Variants in STX8 observed in about 807,000 individuals in gnomAD.
The protein encoded by STX8 is syntaxin 8, also known as syntaxin-8.
Under a neutral mutation model 37.5 loss-of-function variants are expected in STX8, and 23 were observed. That is an observed-to-expected ratio of 0.61 (90% CI 0.44 to 0.87). The LOEUF (loss-of-function observed/expected upper bound fraction) is 0.87, where lower values mean the gene tolerates loss of function less well. Among genes scored for constraint, STX8 ranks in the 40% least tolerant of loss-of-function variants. STX8 has a pLI of 0.00. For synonymous variants in STX8, 115 were observed against 99.1 expected, an observed-to-expected ratio of 1.16 and a Z score of -0.95; for missense variants, 313 against 284.7, an observed-to-expected ratio of 1.10 and a Z score of -0.71.
intron 3 of STX8, 25 bp from the exon 4 acceptor site, chr17:9,545,307 A>G (rs773436233): frequency 4.6e-6 from 7 of 1,530,998 alleles, no homozygotes; most frequent in East Asian, 2.3e-5. Context: ...TTAAGGTTCA[A>G]TGGTGAATAA....
At chr17:9,533,042 A>C (rs1000124754) in intron 4 of STX8, among the ~76,000 whole-genome samples, 3 of 152,238 alleles carry the variant, frequency 2.0e-5, no homozygotes, top group African/African-American at 7.2e-5. Flanking sequence ...ACATTTCACC[A>C]GAATGTGTAG....
chr17:9,562,608 AAAAAAAT>A (rs1798523446), intron 2 of STX8, among the ~76,000 whole-genome samples: 3 of 31,722 alleles, frequency 9.5e-5, no homozygotes, highest in South Asian at 2.1e-3. Context: ...ACAGAAAAAA[AAAAAAAT>A]ATATATATAT....
At chr17:9,536,893 G>A (rs540880837) in intron 4 of STX8, among the ~76,000 whole-genome samples, 21 of 152,022 alleles carry the variant, frequency 1.4e-4, no homozygotes, top group Admixed American at 1.3e-4. Flanking sequence ...ACAAGCGCCC[G>A]CCACCATGCC....
At chr17:9,423,173 CA>C (rs1192049960) in intron 6 of STX8, among the ~76,000 whole-genome samples, 5 of 152,212 alleles carry the variant, frequency 3.3e-5, no homozygotes, top group African/African-American at 1.2e-4. Context: ...TACCTTTCTG[CA>C]CTATCTGTAA....
intron 6 of STX8, among the ~76,000 whole-genome samples, chr17:9,441,836 C>T (rs1425734908): frequency 5.3e-5 from 8 of 151,642 alleles, no homozygotes; most frequent in Admixed American, 4.6e-4. Context: ...CCACCACGCC[C>T]GGCTAATTTT....
rs1451204433 is a variant in STX8, at chr17:9,418,938, T to A, written c.542-40285A>T. 1.0e-4 allele frequency among the ~76,000 whole-genome samples: 13 copies of A among 126,310 alleles called. No homozygotes were observed. In the East Asian group the frequency reaches 2.1e-3, roughly 21 times the overall value. 82.9% of individuals were successfully genotyped at this position (126,310 alleles called of 152,430 possible). A position where few individuals can be genotyped will look rare whatever the true frequency, so the allele number is the denominator to read the frequency against. On this transcript the variant is annotated intron_variant, in intron 6 of 7. Transcript: ENST00000306357. ...TTTTTTTTTCTTTTTTTTTTTTTTT[T>A]AAAGAGATGGGCTCTCTCCCTGTCA...
intron 6 of STX8, among the ~76,000 whole-genome samples, chr17:9,440,094 T>C (rs146370780): frequency 2.2e-4 from 33 of 152,178 alleles, no homozygotes; most frequent in African/African-American, 7.0e-4. Flanking sequence ...CCATGGAAAA[T>C]ACCACTGGGA....
At chr17:9,283,221 TATAA>T (rs1907952137) in intron 7 of STX8, 1 of 152,212 alleles carries the variant, frequency 6.6e-6, no homozygotes, top group Non-Finnish European at 1.5e-5. Context: ...TTTTCCTTTC[TATAA>T]ATATTCAACC....
At position 9,377,000 on chromosome 17, in the gene STX8, G is replaced by A. The variant is rs565310117; in HGVS notation, c.643+1552C>T. On this transcript the variant is annotated intron_variant, in intron 7 of 7. Coordinates refer to ENST00000306357, the MANE Select transcript of STX8 (RefSeq NM_004853.3). ...ACCAGAAGCACAGGGCAGGATGGTC[G>A]GGCAGGACAGTGGTGATAAAGGGTC... 2.9e-3 allele frequency among the ~76,000 whole-genome samples: 436 copies of A among 152,182 alleles called. 3 individuals are homozygous for A. The highest frequency in any genetic ancestry group is 4.8e-3 in the Admixed American group (74 of 15,280).
chr17:9,336,539 A>G (rs4569333), intron 7 of STX8, among the ~76,000 whole-genome samples: 125,602 of 151,778 alleles, frequency 0.83, 52,477 homozygotes, highest in East Asian at 0.93. Flanking sequence ...AGGTTAAAGC[A>G]ATTCTCCTGC....
rs138239244 is a variant in STX8, at chr17:9,276,934, C to A, written c.644-26289G>T. 5.3e-3 allele frequency among the ~76,000 whole-genome samples: 792 copies of A among 150,440 alleles called. 6 individuals are homozygous for A. Among genetic ancestry groups the A allele is most frequent in the Middle Eastern group, 0.033 (9 of 274 alleles). On this transcript the variant is annotated intron_variant, in intron 7 of 7. Transcript: ENST00000306357. ...TACAGGTGTGAGCCACTGCACTCAGCCACCTTTTCTTTTTTTAAAGAGACG... is the reference window on the plus strand; with the variant it reads ...TACAGGTGTGAGCCACTGCACTCAGACACCTTTTCTTTTTTTAAAGAGACG...
intron 4 of STX8, among the ~76,000 whole-genome samples, chr17:9,536,428 T>A (rs1039795963): frequency 6.6e-6 from 1 of 152,172 alleles, no homozygotes; most frequent in Admixed American, 6.5e-5. Flanking sequence ...GGGATGTTTT[T>A]CCCTATTTAA....
intron 7 of STX8, among the ~76,000 whole-genome samples, chr17:9,316,650 C>T (rs1037467011): frequency 6.6e-6 from 1 of 152,184 alleles, no homozygotes; most frequent in African/African-American, 2.4e-5. Flanking sequence ...TTCATTGTAT[C>T]CTTTTACAAT....
chr17:9,351,787 T>A lies in STX8; in HGVS notation c.643+26765A>T, dbSNP rs75724410. Among the ~76,000 whole-genome samples, 6 of 152,288 alleles carry A rather than the reference T, an allele frequency of 3.9e-5. No individual in the cohort carries two copies. The East Asian group carries it at 7.7e-4, about 20-fold the overall frequency. The stretch of plus-strand genomic sequence containing the variant: ...CACCCATCAATCTGAACTACTCTTA[T>A]AGTGTCTGTTGATGTCATTCAAGTT... On this transcript the variant is annotated intron_variant, in intron 7 of 7. Transcript: ENST00000306357.
At chr17:9,559,760 A>ATATATTT in intron 2 of STX8, among the ~76,000 whole-genome samples, 20 of 24,488 alleles carry the variant, frequency 8.2e-4, no homozygotes, top group South Asian at 2.9e-3. Flanking sequence ...ATATATATAT[A>ATATATTT]TTTTTTTTTT....
intron 6 of STX8, among the ~76,000 whole-genome samples, chr17:9,450,932 C>T (rs2142401935): frequency 6.6e-6 from 1 of 152,120 alleles, no homozygotes; most frequent in East Asian, 1.9e-4. Context: ...CCTTTTTGTC[C>T]AGTAACACAA....
At chr17:9,386,104 CA>C (rs57683285) in intron 6 of STX8, among the ~76,000 whole-genome samples, 11,973 of 118,408 alleles carry the variant, frequency 0.1, 536 homozygotes, top group Middle Eastern at 0.22. Context: ...GCCTATTTCT[CA>C]AAAAAAAAAA....
intron 4 of STX8, among the ~76,000 whole-genome samples, chr17:9,540,290 G>A (rs1351786618): frequency 6.6e-6 from 1 of 152,164 alleles, no homozygotes; most frequent in South Asian, 2.1e-4. Context: ...AGCTAGCTGG[G>A]TATTTGTTCT....
At position 9,480,642 on chromosome 17, in the gene STX8, C is replaced by T. The variant is rs559719020; in HGVS notation, c.541+11187G>A. 2.5e-3 allele frequency among the ~76,000 whole-genome samples: 378 copies of T among 152,128 alleles called. 1 individual carries two copies. Among genetic ancestry groups the T allele is most frequent in the Non-Finnish European group, 3.2e-3 (217 of 67,988 alleles). On this transcript the variant is annotated intron_variant, in intron 6 of 7. Transcript: ENST00000306357. ...ATGACCTCATAAACTCATTCTGGTC[C>T]AAAATTCTCTGAGACGAAGCAACTT...
Sources: gnomAD v4.1 joint callset for allele counts (sites outside exome capture counted in the v4.1 genomes callset) on GRCh38, gnomAD v4.1.1 for gene constraint, MANE v1.5 for transcripts, NCBI Gene and HGNC (gene_info 2026-07-23, HGNC 2026-07-21) for gene names.